The following CTNNA2 variants were observed in gnomAD, a reference collection of about 807,000 sequenced individuals.
CTNNA2 encodes the protein catenin alpha-2.
CTNNA2 carries 42 observed loss-of-function variants against 101.0 expected under a neutral mutation model. The observed-to-expected ratio is 0.42, with a 90% CI of 0.32 to 0.54. The LOEUF (loss-of-function observed/expected upper bound fraction) is 0.54, where lower values mean the gene tolerates loss of function less well. Among genes scored for constraint, CTNNA2 ranks in the 20% least tolerant of loss-of-function variants. The pLI is 0.14. For synonymous variants in CTNNA2, 450 were observed against 456.4 expected, an observed-to-expected ratio of 0.99 and a Z score of 0.18; for missense variants, 871 against 1,223.1, an observed-to-expected ratio of 0.71 and a Z score of 4.29.
chr2:80,104,113 T>G (rs1303011780), intron 7 of CTNNA2, among the ~76,000 whole-genome samples: 1 of 152,190 alleles, frequency 6.6e-6, no homozygotes, highest in Admixed American at 6.5e-5. Context: ...AATACTAGAT[T>G]GCCAATCTCT....
intron 3 of CTNNA2, among the ~76,000 whole-genome samples, chr2:79,812,300 C>G (rs1192124103): frequency 3.3e-5 from 5 of 152,078 alleles, no homozygotes; most frequent in Non-Finnish European, 7.4e-5. Flanking sequence ...TGCAGTCATC[C>G]TTACCTTGTT....
Position 80,612,446 on chromosome 2 carries a change from C to G in CTNNA2, c.2430+4128C>G, listed in dbSNP as rs192654332. On this transcript the variant is annotated intron_variant, in intron 17 of 18. Transcript: ENST00000402739. ...CATACAAACATACAAACACAGAGCA[C>G]AATTGATTTGATATTTACTCTTATA... Among the ~76,000 whole-genome samples the G allele has an allele frequency of 5.9e-5, 9 of 151,598 alleles. No homozygotes were observed. In the East Asian group the frequency reaches 1.6e-3, roughly 26 times the overall value.
At chr2:79,512,014 GT>G (rs1671557547), upstream of CTNNA2, among the ~76,000 whole-genome samples, 1 of 152,064 alleles carries the variant, frequency 6.6e-6, no homozygotes, top group Non-Finnish European at 1.5e-5. Flanking sequence ...AAACAAAATT[GT>G]CATTTGGCAC....
intron 7 of CTNNA2, among the ~76,000 whole-genome samples, chr2:80,276,837 T>C (rs527856652): frequency 6.6e-6 from 1 of 152,086 alleles, no homozygotes; most frequent in Non-Finnish European, 1.5e-5. Flanking sequence ...AGGCCCAGAC[T>C]CCAAAATTGG....
chr2:79,805,244 TG>T (rs1676475855), intron 3 of CTNNA2, among the ~76,000 whole-genome samples: 2 of 152,312 alleles, frequency 1.3e-5, no homozygotes, highest in South Asian at 4.1e-4. Flanking sequence ...TTTCAGATTT[TG>T]CACATTTTTA....
At chr2:80,333,854 C>T (rs1671558470) in intron 7 of CTNNA2, among the ~76,000 whole-genome samples, 1 of 152,186 alleles carries the variant, frequency 6.6e-6, no homozygotes, top group South Asian at 2.1e-4. Flanking sequence ...AACTCCTGGC[C>T]TCAAGTGATC....
intron 1 of CTNNA2, among the ~76,000 whole-genome samples, chr2:79,577,527 T>C (rs1241402140): frequency 1.3e-5 from 2 of 152,076 alleles, no homozygotes; most frequent in African/African-American, 4.8e-5. Context: ...GCTTCAAAAA[T>C]TGCACAAAAA....
At chr2:80,216,153 C>T (rs576302970) in intron 7 of CTNNA2, among the ~76,000 whole-genome samples, 8 of 152,210 alleles carry the variant, frequency 5.3e-5, no homozygotes, top group South Asian at 2.1e-4. Context: ...TTCCAGGTAC[C>T]GTCTGTCACG....
intron 3 of CTNNA2, among the ~76,000 whole-genome samples, chr2:79,823,317 A>C (rs1238526154): frequency 1.3e-5 from 2 of 152,228 alleles, no homozygotes; most frequent in Admixed American, 6.5e-5. Context: ...AATGATAAAA[A>C]GGCTTTAGAT....
chr2:79,401,998 A>T (rs996015676), intron 4 of CTNNA2, among the ~76,000 whole-genome samples: 5 of 151,782 alleles, frequency 3.3e-5, no homozygotes, highest in African/African-American at 1.2e-4. Context: ...GTACCCAAAT[A>T]GCCATGCAGT....
At chr2:79,764,314 C>T (rs1411157685) in intron 3 of CTNNA2, among the ~76,000 whole-genome samples, 3 of 152,160 alleles carry the variant, frequency 2.0e-5, no homozygotes. Flanking sequence ...CTTATTTTAG[C>T]TGTATATTTC....
chr2:80,581,287 C>T (rs1695517520), intron 13 of CTNNA2, among the ~76,000 whole-genome samples: 1 of 152,058 alleles, frequency 6.6e-6, no homozygotes, highest in Non-Finnish European at 1.5e-5. Flanking sequence ...TCAGATATTC[C>T]ATCAGGTCTA....
chr2:79,375,207 C>T (rs1274534044), intron 4 of CTNNA2, among the ~76,000 whole-genome samples: 1 of 152,160 alleles, frequency 6.6e-6, no homozygotes, highest in East Asian at 1.9e-4. Flanking sequence ...GCTTTACGGT[C>T]AGACATACCT....
chr2:80,444,518 T>C (rs1327056944), intron 9 of CTNNA2, among the ~76,000 whole-genome samples: 1 of 152,154 alleles, frequency 6.6e-6, no homozygotes, highest in Non-Finnish European at 1.5e-5. Context: ...TCCTGGGGAC[T>C]GTCCTATGAA....
chr2:80,482,724 G>A (rs557529188), intron 9 of CTNNA2, among the ~76,000 whole-genome samples: 6 of 152,222 alleles, frequency 3.9e-5, no homozygotes, highest in Non-Finnish European at 7.4e-5. Flanking sequence ...TTTTCTACTA[G>A]TTGCCAACAT....
intron 4 of CTNNA2, among the ~76,000 whole-genome samples, chr2:79,408,308 A>C (rs1390144618): frequency 6.6e-6 from 1 of 150,790 alleles, no homozygotes; most frequent in Non-Finnish European, 1.5e-5. Context: ...TATTATTATT[A>C]TTATTATTAT....
At chr2:79,802,922 T>C (rs976784259) in intron 3 of CTNNA2, among the ~76,000 whole-genome samples, 1 of 152,230 alleles carries the variant, frequency 6.6e-6, no homozygotes, top group Non-Finnish European at 1.5e-5. Context: ...ACCAGCTAAA[T>C]GAGATGAAAT....
intron 9 of CTNNA2, among the ~76,000 whole-genome samples, chr2:80,436,214 G>T (rs1376542234): frequency 6.6e-6 from 1 of 152,116 alleles, no homozygotes; most frequent in Non-Finnish European, 1.5e-5. Flanking sequence ...TATATCAAGG[G>T]ACAGACACTG....
intron 2 of CTNNA2, among the ~76,000 whole-genome samples, chr2:79,298,553 C>A (rs774898816): frequency 9.2e-5 from 14 of 152,220 alleles, no homozygotes; most frequent in Non-Finnish European, 1.5e-4. Flanking sequence ...CTCAACCTCT[C>A]TTCAGGAGTC....
Sources: allele counts gnomAD v4.1 joint callset (sites outside exome capture counted in the v4.1 genomes callset), GRCh38; gene constraint gnomAD v4.1.1; transcripts MANE v1.5; gene names NCBI Gene and HGNC (gene_info 2026-07-23, HGNC 2026-07-21).